Variants in RORA observed in about 807,000 individuals in gnomAD.
The protein encoded by RORA is nuclear receptor ROR-alpha.
RORA carries 7 observed loss-of-function variants against 69.5 expected under a neutral mutation model. The observed-to-expected ratio is 0.10, with a 90% CI of 0.06 to 0.19. The LOEUF (loss-of-function observed/expected upper bound fraction) is 0.19, where lower values mean the gene tolerates loss of function less well. Among genes scored for constraint, RORA ranks in the 10% least tolerant of loss-of-function variants. The pLI is 1.00. For missense variants in RORA, 457 were observed against 663.0 expected (o/e 0.69, Z 3.41); for synonymous variants, 261 against 240.8 (o/e 1.08, Z -0.78).
intron 1 of RORA, among the ~76,000 whole-genome samples, chr15:60,709,073 T>A (rs887427238): frequency 1.2e-4 from 18 of 152,300 alleles, no homozygotes; most frequent in African/African-American, 3.4e-4. Flanking sequence ...CAGGAAACCA[T>A]TGATTTTCCA....
intron 1 of RORA, among the ~76,000 whole-genome samples, chr15:61,216,901 G>A (rs1256809353): frequency 6.6e-6 from 1 of 152,198 alleles, no homozygotes; most frequent in East Asian, 1.9e-4. Context: ...CAGCAGGCTT[G>A]TAAAAACCAC....
At chr15:60,724,783 A>C (rs1048799460) in intron 1 of RORA, among the ~76,000 whole-genome samples, 1 of 152,104 alleles carries the variant, frequency 6.6e-6, no homozygotes, top group Admixed American at 6.5e-5. Flanking sequence ...GTGTTTAAGA[A>C]AGGCTGGTGT....
At position 60,490,804 on chromosome 15, in the gene RORA, A is replaced by C. The variant is rs77773298; in HGVS notation, c.*6651T>G. ...GTTAAAGGTGCCATAAAAATGGACA[A>C]CACTGAAAACAGTTTGCAAATAAAC... is the stretch of plus-strand genomic sequence containing the variant. On this transcript the variant is annotated 3_prime_UTR_variant, in exon 11 of 11. Coordinates refer to ENST00000335670, the MANE Select transcript of RORA (RefSeq NM_134261.3). This position sits in a 1 kb window ranked among gnomAD's most constrained non-coding sequence, Gnocchi z 4.1. 1 of 152,174 alleles carries C rather than the reference A, an allele frequency of 6.6e-6. No homozygotes were observed. The highest frequency in any genetic ancestry group is 2.4e-5 in the African/African-American group (1 of 41,424). The allele number at this position is 152,174 out of a possible 1,614,324, so 9.4% of individuals were successfully genotyped here. A position where few individuals can be genotyped will look rare whatever the true frequency, so the allele number is the denominator to read the frequency against.
intron 1 of RORA, among the ~76,000 whole-genome samples, chr15:60,777,373 C>T (rs2072184925): frequency 6.6e-6 from 1 of 152,126 alleles, no homozygotes; most frequent in African/African-American, 2.4e-5. Context: ...GGTTACAGTC[C>T]CAGCTTTGCA....
chr15:60,952,469 G>A (rs973643352), intron 1 of RORA, among the ~76,000 whole-genome samples: 58 of 151,822 alleles, frequency 3.8e-4, no homozygotes, highest in African/African-American at 1.4e-3. Flanking sequence ...GGAAATAAAG[G>A]GTATTCAATT....
At chr15:61,154,597 C>A (rs575633587) in intron 1 of RORA, among the ~76,000 whole-genome samples, 37 of 152,262 alleles carry the variant, frequency 2.4e-4, no homozygotes, top group Non-Finnish European at 4.7e-4. Flanking sequence ...AAGAGTAGTA[C>A]AAATTTTAAA....
intron 1 of RORA, among the ~76,000 whole-genome samples, chr15:60,690,822 C>T (rs765037397): frequency 1.3e-5 from 2 of 152,136 alleles, no homozygotes; most frequent in African/African-American, 2.4e-5. Context: ...GGCCTGGACG[C>T]GTTGAAGTCT....
intron 1 of RORA, among the ~76,000 whole-genome samples, chr15:60,728,784 A>T (rs1474685409): frequency 6.6e-6 from 1 of 152,234 alleles, no homozygotes; most frequent in African/African-American, 2.4e-5. Context: ...CCCTAAAAAA[A>T]ACTTAAAGTG....
In RORA at chr15:60,766,215, G is replaced by GTGTGAGAC. The variant is rs1555451934; in HGVS notation, c.167-87530_167-87529insGTCTCACA. On this transcript the variant is annotated intron_variant, in intron 1 of 10. Coordinates refer to ENST00000335670, the MANE Select transcript of RORA (RefSeq NM_134261.3). ...CTCCTTCCTTGTTATATGGAATTGT[G>GTGTGAGAC]TGTGAGCCTGTGAGCCTGCGAGCCT... Among the ~76,000 whole-genome samples, 3 of 152,208 alleles carry GTGTGAGAC rather than the reference G, an allele frequency of 2.0e-5. No individual in the cohort carries two copies. The East Asian group carries it at 5.8e-4, about 29-fold the overall frequency.
intron 1 of RORA, among the ~76,000 whole-genome samples, chr15:60,883,005 C>T (rs1020950650): frequency 9.9e-5 from 15 of 151,506 alleles, no homozygotes; most frequent in African/African-American, 1.2e-4. Flanking sequence ...GTGGCAGGCG[C>T]CTGTAATCCC....
chr15:60,542,937 C>T (rs569473211), intron 2 of RORA, among the ~76,000 whole-genome samples: 128 of 151,446 alleles, frequency 8.5e-4, no homozygotes, highest in Non-Finnish European at 1.6e-3. Flanking sequence ...CACACACATA[C>T]ACTGCACACG....
At position 60,677,079 on chromosome 15, in the gene RORA, A is replaced by G. The variant is rs1462232913; in HGVS notation, c.196+1578T>C. ...GTCCATACCCCAAACCACCATAAAC[A>G]GTAGGCACAATCATCAGCCCCTGTT... On this transcript the variant is annotated intron_variant, in intron 2 of 10. Transcript: ENST00000335670. The G allele has an allele frequency of 6.8e-6, 3 of 439,200 alleles. No individual in the cohort carries two copies. The Admixed American group carries it at 7.2e-5, about 10-fold the overall frequency. 27.2% of individuals were successfully genotyped at this position (439,200 alleles called of 1,614,324 possible). A position where few individuals can be genotyped will look rare whatever the true frequency, so the allele number is the denominator to read the frequency against.
At chr15:60,809,746 T>C (rs930037559) in intron 1 of RORA, among the ~76,000 whole-genome samples, 3 of 152,078 alleles carry the variant, frequency 2.0e-5, no homozygotes, top group African/African-American at 7.2e-5. Context: ...CAATGGGGCA[T>C]GTTATATACA....
intron 1 of RORA, among the ~76,000 whole-genome samples, chr15:60,720,529 G>C (rs1472977249): frequency 6.6e-6 from 1 of 152,106 alleles, no homozygotes; most frequent in African/African-American, 2.4e-5. Context: ...CTTCCCTCTT[G>C]CCTCAGGAAC....
chr15:60,586,857 C>T (rs1307178576), intron 2 of RORA, among the ~76,000 whole-genome samples: 1 of 152,104 alleles, frequency 6.6e-6, no homozygotes, highest in African/African-American at 2.4e-5. Flanking sequence ...AGGCCATTCC[C>T]CACTAAGTGA....
chr15:60,989,363 C>T (rs1376055247), intron 1 of RORA, among the ~76,000 whole-genome samples: 1 of 152,224 alleles, frequency 6.6e-6, no homozygotes, highest in African/African-American at 2.4e-5. Context: ...TTAATATTCT[C>T]AAACTTCATC....
At chr15:60,987,905 C>T (rs1425991101) in intron 1 of RORA, among the ~76,000 whole-genome samples, 1 of 152,164 alleles carries the variant, frequency 6.6e-6, no homozygotes, top group African/African-American at 2.4e-5. Flanking sequence ...CCCTCTTTAC[C>T]TACAAGTGCT....
At chr15:61,192,162 G>A (rs1426149927) in intron 1 of RORA, among the ~76,000 whole-genome samples, 1 of 152,264 alleles carries the variant, frequency 6.6e-6, no homozygotes, top group Non-Finnish European at 1.5e-5. Flanking sequence ...GTGATTTATT[G>A]AGAAGGGTGG....
chr15:60,814,847 T>C (rs1382610284), intron 1 of RORA, among the ~76,000 whole-genome samples: 1 of 152,120 alleles, frequency 6.6e-6, no homozygotes, highest in Non-Finnish European at 1.5e-5. Flanking sequence ...GGCACATGTA[T>C]TAGGATTGCT....
Sources: gnomAD v4.1 joint callset for allele counts (sites outside exome capture counted in the v4.1 genomes callset) on GRCh38, gnomAD v4.1.1 for gene constraint, Gnocchi (gnomAD v3.1) non-coding constraint, MANE v1.5 for transcripts, NCBI Gene and HGNC (gene_info 2026-07-23, HGNC 2026-07-21) for gene names.